The following B4GALT6 variants were observed in gnomAD, a reference collection of about 807,000 sequenced individuals.
B4GALT6 encodes the protein beta-1,4-galactosyltransferase 6.
B4GALT6 carries 14 observed loss-of-function variants against 46.3 expected under a neutral mutation model. That is an observed-to-expected ratio of 0.30 (90% confidence interval 0.20 to 0.47). B4GALT6 has a LOEUF of 0.47. Ranked by LOEUF, B4GALT6 falls within the 20% of genes least tolerant of loss-of-function variation. The probability of loss-of-function intolerance (pLI) is 0.99; values close to 1 mark genes in which losing one functional copy is unlikely to be tolerated. For missense variants in B4GALT6, 386 were observed against 480.1 expected, an observed-to-expected ratio of 0.80 and a Z score of 1.83; for synonymous variants, 168 against 162.0, an observed-to-expected ratio of 1.04 and a Z score of -0.28.
rs2144442837 is a variant in B4GALT6, at chr18:31,622,417, T to G, written c.*3197A>C. ...TAATCTTAAGTACACTTCCTCTTTC[T>G]GATAAACAATACTATAACCATTTTA... On this transcript the variant is annotated 3_prime_UTR_variant, in exon 9 of 9. Transcript: ENST00000306851. The G allele has an allele frequency of 6.6e-6, 1 of 152,224 alleles. No individual in the cohort carries two copies. Among genetic ancestry groups the G allele is most frequent in the Admixed American group, 6.5e-5 (1 of 15,298 alleles). 9.4% of individuals were successfully genotyped at this position (152,224 alleles called of 1,614,324 possible).
upstream of B4GALT6, among the ~76,000 whole-genome samples, chr18:31,690,161 G>C (rs745988959): frequency 6.6e-6 from 1 of 152,020 alleles, no homozygotes; most frequent in Non-Finnish European, 1.5e-5. Flanking sequence ...ACAGACTCTC[G>C]CTCTGTTGTC....
intron 4 of B4GALT6, among the ~76,000 whole-genome samples, chr18:31,639,893 G>T (rs1166004970): frequency 6.6e-6 from 1 of 152,014 alleles, no homozygotes; most frequent in Non-Finnish European, 1.5e-5. Flanking sequence ...CTATTTCTTG[G>T]ATACAAACTT....
chr18:31,635,780 C>T (rs991367934), intron 5 of B4GALT6, among the ~76,000 whole-genome samples: 5 of 152,028 alleles, frequency 3.3e-5, no homozygotes, highest in Non-Finnish European at 1.5e-5. Context: ...ATCGTGCTAT[C>T]GCACTCCAGC....
At chr18:31,634,297 C>G (rs2073829633) in intron 5 of B4GALT6, among the ~76,000 whole-genome samples, 1 of 152,230 alleles carries the variant, frequency 6.6e-6, no homozygotes, top group Non-Finnish European at 1.5e-5. Context: ...CTACAAGATA[C>G]AACAGAGTAA....
the B4GALT6 span, among the ~76,000 whole-genome samples, chr18:31,692,037 A>C: frequency 6.6e-6 from 1 of 152,214 alleles, no homozygotes; most frequent in Non-Finnish European, 1.5e-5. Flanking sequence ...TATTAACATA[A>C]TTCAACATAT....
Position 31,623,672 on chromosome 18 carries a change from C to T in B4GALT6, c.*1942G>A, listed in dbSNP as rs1028655539. 2.6e-5 allele frequency: 4 copies of T among 152,090 alleles called. No homozygotes were observed. The highest frequency in any genetic ancestry group is 9.7e-5 in the African/African-American group (4 of 41,376). 9.4% of individuals were successfully genotyped at this position (152,090 alleles called of 1,614,324 possible). On this transcript the variant is annotated 3_prime_UTR_variant, in exon 9 of 9. Transcript: ENST00000306851. ...TGATTTTTCGAGTACCATAAAAAAA[C>T]TGAAATATAAATATTTTGGAAATAG...
At chr18:31,666,454 A>C in intron 1 of B4GALT6, 82 bp from the exon 2 acceptor site, 1 of 551,922 alleles carries the variant, frequency 1.8e-6, no homozygotes, top group Non-Finnish European at 3.0e-6. Context: ...GAATTGGGGA[A>C]GTGCCCAATA....
chr18:31,630,419 T>G (rs1455593588), intron 6 of B4GALT6, among the ~76,000 whole-genome samples: 1 of 148,788 alleles, frequency 6.7e-6, no homozygotes, highest in Non-Finnish European at 1.5e-5. Flanking sequence ...AGATTTGGGT[T>G]TTTTTTTTTT....
the B4GALT6 span, among the ~76,000 whole-genome samples, chr18:31,717,058 G>A: frequency 1.3e-5 from 2 of 151,976 alleles, no homozygotes; most frequent in East Asian, 1.9e-4. Flanking sequence ...AGCGGATATC[G>A]TGCCACTACA....
chr18:31,708,949 G>C, the B4GALT6 span, among the ~76,000 whole-genome samples: 1 of 152,152 alleles, frequency 6.6e-6, no homozygotes, highest in Non-Finnish European at 1.5e-5. Context: ...TTCTGTCTAT[G>C]TACTTAACTT....
At chr18:31,714,114 A>C in the B4GALT6 span, among the ~76,000 whole-genome samples, 1 of 152,238 alleles carries the variant, frequency 6.6e-6, no homozygotes, top group Non-Finnish European at 1.5e-5. Context: ...GCCACATGCA[A>C]CTATTTAAAT....
chr18:31,655,176 C>A (rs1375812381), intron 3 of B4GALT6, among the ~76,000 whole-genome samples: 2 of 152,228 alleles, frequency 1.3e-5, no homozygotes, highest in Non-Finnish European at 2.9e-5. Context: ...CTCTGTCGGG[C>A]AGCTCGTGCA....
intron 3 of B4GALT6, among the ~76,000 whole-genome samples, chr18:31,653,988 C>T (rs753095337): frequency 3.9e-5 from 6 of 151,938 alleles, no homozygotes; most frequent in South Asian, 2.1e-4. Flanking sequence ...GCTTTGCTGA[C>T]GTTTGTTTGC....
chr18:31,720,763 GA>G, the B4GALT6 span, among the ~76,000 whole-genome samples: 1 of 152,196 alleles, frequency 6.6e-6, no homozygotes, highest in Non-Finnish European at 1.5e-5. Context: ...GGGTCCTCAT[GA>G]CCAGAGTTAG....
At chr18:31,683,952 C>T (rs1275536856) in intron 1 of B4GALT6, among the ~76,000 whole-genome samples, 1 of 152,140 alleles carries the variant, frequency 6.6e-6, no homozygotes, top group African/African-American at 2.4e-5. Flanking sequence ...TTGAATAAAA[C>T]TACGATTAAG....
At chr18:31,714,350 C>G in the B4GALT6 span, among the ~76,000 whole-genome samples, 1 of 152,194 alleles carries the variant, frequency 6.6e-6, no homozygotes, top group African/African-American at 2.4e-5. Context: ...TGCACTAGAA[C>G]GCTAAAGTTA....
rs1388926308 is a variant in B4GALT6, at chr18:31,627,135, A to G, written c.777-14T>C. On this transcript the variant is annotated splice_polypyrimidine_tract_variant and intron_variant, in intron 6 of 8. Coordinates refer to ENST00000306851, the MANE Select transcript of B4GALT6 (RefSeq NM_004775.5). ...TTATATGGAAGACTAGAAAAGAAAG[A>G]CACAGTATTCTAAAAATAAAATCAT... 1 of 1,580,604 alleles carries G rather than the reference A, an allele frequency of 6.3e-7. No individual in the cohort carries two copies. Among genetic ancestry groups the G allele is most frequent in the Non-Finnish European group, 8.6e-7 (1 of 1,167,888 alleles).
chr18:31,660,456 T>C (rs1399781550), intron 2 of B4GALT6, among the ~76,000 whole-genome samples: 1 of 152,140 alleles, frequency 6.6e-6, no homozygotes, highest in Non-Finnish European at 1.5e-5. Flanking sequence ...TGACAGTGTC[T>C]AGTCAAGTTC....
chr18:31,706,587 C>T, the B4GALT6 span, among the ~76,000 whole-genome samples: 11 of 152,068 alleles, frequency 7.2e-5, no homozygotes, highest in African/African-American at 2.2e-4. Context: ...GCTGAGATGG[C>T]GCCACTGCAC....
Sources: allele counts gnomAD v4.1 joint callset (sites outside exome capture counted in the v4.1 genomes callset), GRCh38; gene constraint gnomAD v4.1.1; transcripts MANE v1.5; gene names NCBI Gene and HGNC (gene_info 2026-07-23, HGNC 2026-07-21).